Variants in WDR19 observed in about 807,000 individuals in gnomAD.
WDR19 encodes the protein WD repeat domain 19, also known as WD repeat-containing protein 19.
In WDR19, 121 loss-of-function variants were observed where a neutral mutation model predicts 180.0. The observed-to-expected ratio is 0.67, with a 90% confidence interval of 0.58 to 0.78. The LOEUF is 0.78. Among genes scored for constraint, WDR19 ranks in the 30% least tolerant of loss-of-function variants. WDR19 has a pLI of 0.00. For synonymous variants in WDR19, 497 were observed against 540.7 expected (o/e 0.92, Z 1.12); for missense variants, 1,450 against 1,640.7 (o/e 0.88, Z 2.01).
In WDR19 at chr4:39,205,159, T is replaced by C. The variant is rs755179058; in HGVS notation, c.609T>C (p.Ser203=). The C allele has an allele frequency of 3.8e-6, 6 of 1,580,332 alleles. No individual in the cohort carries two copies. Among genetic ancestry groups the C allele is most frequent in the East Asian group, 2.3e-5 (1 of 43,910 alleles). Residue 203 remains serine (S), a synonymous_variant, in exon 8 of 37, where the codon AGT becomes AGC. Transcript: ENST00000399820. ...DRTSAAESMI[S]VVLGKKTLFF... ...CTCCTAATCTTTTCTGGCAGATAAGTGTGGTGCTTGGCAAGAAAACTTTGT... is the reference window on the plus strand; with the variant it reads ...CTCCTAATCTTTTCTGGCAGATAAGCGTGGTGCTTGGCAAGAAAACTTTGT...
chr4:39,243,410 G>A (rs566274283), intron 21 of WDR19, among the ~76,000 whole-genome samples: 6 of 152,222 alleles, frequency 3.9e-5, no homozygotes, highest in East Asian at 3.9e-4. Context: ...GAAGTTGAGC[G>A]TGTTTTTATT....
At chr4:39,279,166 T>C (rs774579936) in intron 36 of WDR19, among the ~76,000 whole-genome samples, 1 of 152,186 alleles carries the variant, frequency 6.6e-6, no homozygotes, top group Non-Finnish European at 1.5e-5. Context: ...GGAAATGTAG[T>C]CTTTAATTGA....
At chr4:39,211,383 G>T (rs1728487982) in intron 9 of WDR19, among the ~76,000 whole-genome samples, 1 of 152,150 alleles carries the variant, frequency 6.6e-6, no homozygotes, top group African/African-American at 2.4e-5. Context: ...AGATTAGAAA[G>T]GAAGAAGGAA....
chr4:39,212,768 A>G (rs1020908911), intron 9 of WDR19, among the ~76,000 whole-genome samples: 2 of 152,246 alleles, frequency 1.3e-5, no homozygotes, highest in African/African-American at 4.8e-5. Flanking sequence ...TATGTTTAAC[A>G]TCTGTATATG....
chr4:39,246,103 T>A (rs1177071259), intron 24 of WDR19, among the ~76,000 whole-genome samples: 1 of 152,240 alleles, frequency 6.6e-6, no homozygotes, highest in Non-Finnish European at 1.5e-5. Flanking sequence ...GAAAAGGTTC[T>A]ACCTCACTAA....
chr4:39,217,561 A>C (rs1729190842), intron 13 of WDR19, among the ~76,000 whole-genome samples: 1 of 152,156 alleles, frequency 6.6e-6, no homozygotes, highest in Non-Finnish European at 1.5e-5. Context: ...ACCTGATGGG[A>C]ATGCCATACC....
intron 20 of WDR19, chr4:39,237,576 G>A (rs934862891): frequency 1.3e-5 from 2 of 152,002 alleles, no homozygotes; most frequent in African/African-American, 4.8e-5. Context: ...AAAAAAAGAA[G>A]TACTCTTTCA....
chr4:39,243,787 A>C (rs568779829), intron 21 of WDR19, among the ~76,000 whole-genome samples: 1 of 152,340 alleles, frequency 6.6e-6, no homozygotes, highest in South Asian at 2.1e-4. Flanking sequence ...AGTAGAGATT[A>C]GTTATTTGAT....
At chr4:39,196,669 C>T (rs1577848867) in intron 5 of WDR19, among the ~76,000 whole-genome samples, 3 of 152,344 alleles carry the variant, frequency 2.0e-5, no homozygotes, top group African/African-American at 7.2e-5. Flanking sequence ...CTAGAATCTT[C>T]TCAACCCAGA....
Position 39,228,631 on chromosome 4 carries a change from A to G in WDR19, c.1923A>G (p.Leu641=). 1 of 1,613,322 alleles carries G rather than the reference A, an allele frequency of 6.2e-7. No individual in the cohort carries two copies. Among genetic ancestry groups the G allele is most frequent in the Non-Finnish European group, 8.5e-7 (1 of 1,179,534 alleles). ...YLSTHGFLSN[L]KDTGPDELRP... ...GCACCCATGGCTTTCTCAGCAACTT[A>G]AAAGATACGGGGCCTGACGAACTGA... The change falls in exon 17 of 37, where the codon TTA becomes TTG. Residue 641 remains leucine (L), a synonymous_variant. Coordinates refer to ENST00000399820, the MANE Select transcript of WDR19 (RefSeq NM_025132.4).
rs370663909 is a variant in WDR19, at chr4:39,215,829, C to T, written c.962-12C>T. The T allele has an allele frequency of 4.8e-5, 77 of 1,587,630 alleles. No homozygotes were observed. Among genetic ancestry groups the T allele is most frequent in the Non-Finnish European group, 6.2e-5 (73 of 1,168,158 alleles). On this transcript the variant is annotated splice_polypyrimidine_tract_variant and intron_variant, in intron 10 of 36. Coordinates refer to ENST00000399820, the MANE Select transcript of WDR19 (RefSeq NM_025132.4). Reference sequence around the variant, plus strand: ...GTTTTTGAATAATCATTTATTTTGTCGATTATTTCAGGATTGGGTACCTTG... The same window carrying T: ...GTTTTTGAATAATCATTTATTTTGTTGATTATTTCAGGATTGGGTACCTTG...
In WDR19 at chr4:39,284,393, C is replaced by A. The variant is rs796147898; in HGVS notation, c.*14-1094C>A. ...TCACTCTGCTGCCTGGGCTGGGGTG[C>A]AGTGCCACAATCATCGTTCACTGCA... On this transcript the variant is annotated intron_variant, in intron 36 of 36. Transcript: ENST00000399820. Among the ~76,000 whole-genome samples the A allele has an allele frequency of 1.8e-4, 24 of 133,298 alleles. No homozygotes were observed. The South Asian group carries it at 1.9e-3, about 10-fold the overall frequency. 87.4% of individuals were successfully genotyped at this position (133,298 alleles called of 152,430 possible).
Position 39,240,295 on chromosome 4 carries a change from T to C in WDR19, c.2382T>C (p.Ala794=). 7.0e-7 allele frequency: 1 copy of C among 1,431,090 alleles called. No individual in the cohort carries two copies. The highest frequency in any genetic ancestry group is 1.7e-5 in the South Asian group (1 of 58,434). 88.6% of individuals were successfully genotyped at this position (1,431,090 alleles called of 1,614,324 possible). A position where few individuals can be genotyped will look rare whatever the true frequency, so the allele number is the denominator to read the frequency against. The change falls in exon 21 of 37, where the codon GCT becomes GCC. Residue 794 remains alanine (A), a synonymous_variant. Transcript: ENST00000399820. ...TTTTCAGGGGTGATTATGTAAATGC[T>C]TTGGCTCATTATGAGAAAGGAATAA... ...QLEFAGDYVN[A]LAHYEKGITG... is the part of the protein sequence containing the mutation.
intron 14 of WDR19, 177 bp downstream of exon 14, chr4:39,218,282 G>A: frequency 1.2e-6 from 1 of 831,496 alleles, no homozygotes; most frequent in Non-Finnish European, 1.8e-6. Flanking sequence ...GATACATTCT[G>A]AGAAACGTGT....
intron 5 of WDR19, among the ~76,000 whole-genome samples, chr4:39,197,054 G>T (rs1726815709): frequency 6.6e-6 from 1 of 152,168 alleles, no homozygotes; most frequent in African/African-American, 2.4e-5. Context: ...TTGCACTTTG[G>T]TCAGTGCTTT....
intron 9 of WDR19, among the ~76,000 whole-genome samples, chr4:39,213,065 A>AT (rs1446029273): frequency 6.6e-6 from 1 of 152,246 alleles, no homozygotes; most frequent in Non-Finnish European, 1.5e-5. Context: ...AATGACTAAA[A>AT]TGAAAAATAG....
rs1736092904 is a variant in WDR19 at position 39,278,143 on chromosome 4, T to C, written c.3853T>C (p.Leu1285=). 6.2e-7 allele frequency: 1 copy of C among 1,604,992 alleles called. No homozygotes were observed. The highest frequency in any genetic ancestry group is 1.3e-5 in the African/African-American group (1 of 74,800). The change falls in exon 35 of 37, where the codon TTG becomes CTG. Residue 1285 remains leucine (L), a synonymous_variant. Coordinates refer to ENST00000399820, the MANE Select transcript of WDR19 (RefSeq NM_025132.4). ...PYCIATGRHM[L]KDDWTVCPHC... is the part of the protein sequence containing the mutation. ...ATCCTGTTTCCAGGGTCGACACATG[T>C]TGAAAGATGACTGGACGGTGTGTCC...
In WDR19 at chr4:39,272,974, T is replaced by G. The variant is rs1159284861; in HGVS notation, c.3484-6T>G. ...TAAGAAGAGTAAAATATGTCATTTG[T>G]TTCAGATTCATGTTAAAAATGGAGA... On this transcript the variant is annotated splice_polypyrimidine_tract_variant and splice_region_variant and intron_variant, in intron 31 of 36. Coordinates refer to ENST00000399820, the MANE Select transcript of WDR19 (RefSeq NM_025132.4). 6.3e-7 allele frequency: 1 copy of G among 1,588,776 alleles called. No homozygotes were observed. Among genetic ancestry groups the G allele is most frequent in the African/African-American group, 1.3e-5 (1 of 74,480 alleles).
chr4:39,237,537 G>A (rs891286928), intron 20 of WDR19: 3 of 152,206 alleles, frequency 2.0e-5, no homozygotes, highest in African/African-American at 7.2e-5. Context: ...CTACCCACCA[G>A]CCTAGGCAGT....
Sources: gnomAD v4.1 joint callset for allele counts (sites outside exome capture counted in the v4.1 genomes callset) on GRCh38, gnomAD v4.1.1 for gene constraint, MANE v1.5 for transcripts, NCBI Gene and HGNC (gene_info 2026-07-23, HGNC 2026-07-21) for gene names.